SPACDR: variants seen among roughly 807,000 people sequenced by gnomAD.
SPACDR encodes sperm acrosome developmental regulator, also known as uncharacterized protein C7orf61.
At chr7:100,463,846 A>G in the SPACDR span, 1 of 1,328,948 alleles carries the variant, frequency 7.5e-7, no homozygotes, top group Non-Finnish European at 1.1e-6. Context: ...CTTCCTCCCC[A>G]CTCCATCTTG....
At chr7:100,457,799 A>ATGTG in the SPACDR span, among the ~76,000 whole-genome samples, 1,439 of 45,422 alleles carry the variant, frequency 0.032, 20 homozygotes, top group South Asian at 0.049. Context: ...TTTTATATAT[A>ATGTG]TATATGTGTG....
chr7:100,459,943 A>G, the SPACDR span, among the ~76,000 whole-genome samples: 1 of 150,856 alleles, frequency 6.6e-6, no homozygotes, highest in South Asian at 2.1e-4. Flanking sequence ...AGGCTGGAGT[A>G]CAGTGGCGCT....
the SPACDR span, among the ~76,000 whole-genome samples, chr7:100,462,905 TTC>T: frequency 6.8e-6 from 1 of 147,666 alleles, no homozygotes; most frequent in Admixed American, 6.7e-5. Context: ...AGGCCAGGAG[TTC>T]GAGACCAGCT....
At chr7:100,463,452 GGGATTGGCCCTGTT>G in the SPACDR span, 1 of 1,613,796 alleles carries the variant, frequency 6.2e-7, no homozygotes, top group Non-Finnish European at 8.5e-7. Context: ...AGCTGCAGTA[GGGATTGGCCCTGTT>G]GGCCCAGCTC....
chr7:100,457,966 A>G, the SPACDR span, among the ~76,000 whole-genome samples: 2 of 150,618 alleles, frequency 1.3e-5, no homozygotes, highest in Non-Finnish European at 2.9e-5. Flanking sequence ...TACAGGCGTG[A>G]GTCGCCACGC....
the SPACDR span, among the ~76,000 whole-genome samples, chr7:100,458,345 A>AAAAAC: frequency 6.6e-6 from 1 of 152,024 alleles, no homozygotes; most frequent in East Asian, 1.9e-4. Context: ...ACAAAAACAT[A>AAAAAC]AAAACAAAAC....
chr7:100,458,523 C>T, the SPACDR span, among the ~76,000 whole-genome samples: 3 of 152,118 alleles, frequency 2.0e-5, no homozygotes, highest in Non-Finnish European at 4.4e-5. Context: ...ACCACTGAGC[C>T]ACTAATATGT....
the SPACDR span, chr7:100,456,894 A>C: frequency 1.9e-6 from 3 of 1,613,758 alleles, no homozygotes; most frequent in Non-Finnish European, 2.5e-6. Context: ...CCACAGCACC[A>C]GGTACACCTC....
chr7:100,456,997 A>G, the SPACDR span: 1 of 1,599,796 alleles, frequency 6.3e-7, no homozygotes, highest in Non-Finnish European at 8.5e-7. Flanking sequence ...TGTAAGAGAA[A>G]GAGAAGATGT....
chr7:100,457,859 T>TATA, the SPACDR span, among the ~76,000 whole-genome samples: 1 of 72,856 alleles, frequency 1.4e-5, no homozygotes, highest in East Asian at 4.5e-4. Context: ...ATATATATAT[T>TATA]TTTTTTTTTT....
the SPACDR span, among the ~76,000 whole-genome samples, chr7:100,461,497 C>T: frequency 1.3e-5 from 2 of 151,912 alleles, no homozygotes; most frequent in Non-Finnish European, 2.9e-5. Flanking sequence ...AGGCTGGTCT[C>T]GAACTCCTGA....
At chr7:100,463,932 T>A in the SPACDR span, 1 of 1,596,998 alleles carries the variant, frequency 6.3e-7, no homozygotes, top group Non-Finnish European at 8.5e-7. Flanking sequence ...TCCCAGCGCA[T>A]CATGAGGACA....
At chr7:100,458,195 GGTGTGTGTGTGTGTGTGTGTGT>G in the SPACDR span, among the ~76,000 whole-genome samples, 4 of 137,120 alleles carry the variant, frequency 2.9e-5, no homozygotes, top group Admixed American at 7.7e-5. Flanking sequence ...TGTACTCACT[GGTGTGTGTGTGTGTGTGTGTGT>G]GTGTGTGTGT....
the SPACDR span, chr7:100,463,522 C>T: frequency 1.2e-6 from 2 of 1,613,964 alleles, no homozygotes; most frequent in Admixed American, 1.7e-5. Flanking sequence ...AGGGATCTGC[C>T]AGCTCGGGGG....
chr7:100,463,510 G>A, the SPACDR span: 79 of 1,613,956 alleles, frequency 4.9e-5, no homozygotes, highest in African/African-American at 9.5e-4. Context: ...TGGCCAACAC[G>A]CAGGGATCTG....
the SPACDR span, among the ~76,000 whole-genome samples, chr7:100,462,534 A>G: frequency 7.9e-6 from 1 of 127,350 alleles, no homozygotes; most frequent in East Asian, 2.4e-4. Context: ...TATATTTTTA[A>G]GAGACAGAGT....
At chr7:100,464,088 C>CGGGGGGGGGGGG in the SPACDR span, 1 of 72,402 alleles carries the variant, frequency 1.4e-5, no homozygotes, top group Non-Finnish European at 1.9e-5. Context: ...GTGGGGGTGG[C>CGGGGGGGGGGGG]GGGTGGGGGA....
chr7:100,459,514 T>C, the SPACDR span, among the ~76,000 whole-genome samples: 2 of 151,920 alleles, frequency 1.3e-5, no homozygotes, highest in East Asian at 3.9e-4. Context: ...GGTCTCGAAC[T>C]CCTGATCTCA....
At chr7:100,456,703 A>G in the SPACDR span, 1 of 1,245,004 alleles carries the variant, frequency 8.0e-7, no homozygotes, top group Non-Finnish European at 1.1e-6. Flanking sequence ...CTGATATGGG[A>G]CCCCAGGTAA....
Sources: allele counts gnomAD v4.1 joint callset (sites outside exome capture counted in the v4.1 genomes callset), GRCh38; gene constraint gnomAD v4.1.1; transcripts MANE v1.5; gene names NCBI Gene and HGNC (gene_info 2026-07-23, HGNC 2026-07-21).